The following CHRM3 variants were observed in gnomAD, a reference collection of about 807,000 sequenced individuals.
The protein encoded by CHRM3 is cholinergic receptor muscarinic 3.
CHRM3 carries 11 observed loss-of-function variants against 41.8 expected under a neutral mutation model. The ratio of observed to expected loss-of-function variants is 0.26; its 90% CI spans 0.17 to 0.44. The LOEUF is 0.44. Among genes scored for constraint, CHRM3 ranks in the 20% least tolerant of loss-of-function variants. The probability of loss-of-function intolerance (pLI) is 1.00; values close to 1 mark genes in which losing one functional copy is unlikely to be tolerated. For synonymous variants in CHRM3, 297 were observed against 301.4 expected (o/e 0.99, Z 0.15); for missense variants, 571 against 745.4 (o/e 0.77, Z 2.72).
intron 6 of CHRM3, among the ~76,000 whole-genome samples, chr1:239,894,813 C>A (rs1160706210): frequency 1.3e-5 from 2 of 152,022 alleles, no homozygotes; most frequent in Non-Finnish European, 2.9e-5. Context: ...AATCACTTAA[C>A]CATACAGTAT....
intron 2 of CHRM3, among the ~76,000 whole-genome samples, chr1:239,507,690 G>T (rs1668667419): frequency 2.6e-5 from 4 of 152,146 alleles, no homozygotes; most frequent in Admixed American, 2.6e-4. Context: ...TATGTGAATA[G>T]ACTAAAACTC....
chr1:239,645,749 A>G (rs529946079), intron 4 of CHRM3, among the ~76,000 whole-genome samples: 17 of 152,092 alleles, frequency 1.1e-4, no homozygotes, highest in African/African-American at 3.9e-4. Flanking sequence ...TGGAATGACT[A>G]CAAAAAAATG....
At chr1:239,789,347 A>G (rs984493942) in intron 5 of CHRM3, among the ~76,000 whole-genome samples, 4 of 152,214 alleles carry the variant, frequency 2.6e-5, no homozygotes. Flanking sequence ...ATAAATAAGC[A>G]ATATGAAACA....
At chr1:239,618,100 C>T (rs1430049643) in intron 3 of CHRM3, among the ~76,000 whole-genome samples, 6 of 151,666 alleles carry the variant, frequency 4.0e-5, no homozygotes, top group African/African-American at 9.7e-5. Flanking sequence ...CAGGGAAGTG[C>T]GTACAGTTAA....
intron 2 of CHRM3, among the ~76,000 whole-genome samples, chr1:239,499,532 A>G (rs16838380): frequency 0.24 from 37,205 of 152,006 alleles, 4,859 homozygotes; most frequent in African/African-American, 0.31. Context: ...ATTGTTCAAG[A>G]CTCAGTAAAA....
intron 1 of CHRM3, among the ~76,000 whole-genome samples, chr1:239,480,543 A>ATTTTTTTTTT (rs745979239): frequency 1.3e-4 from 14 of 110,704 alleles, no homozygotes; most frequent in African/African-American, 2.0e-4. Flanking sequence ...CGATAGCCCA[A>ATTTTTTTTTT]TTTTTTTTTT....
intron 6 of CHRM3, among the ~76,000 whole-genome samples, chr1:239,870,365 T>C (rs1433656145): frequency 6.6e-6 from 1 of 152,178 alleles, no homozygotes; most frequent in Admixed American, 6.5e-5. Context: ...AGATGAAACC[T>C]TGTCTGTTAG....
chr1:239,544,844 A>G (rs966605351), intron 2 of CHRM3, among the ~76,000 whole-genome samples: 1 of 152,226 alleles, frequency 6.6e-6, no homozygotes, highest in Non-Finnish European at 1.5e-5. Context: ...TGTTGGTCAC[A>G]TTGTAGGACA....
chr1:239,766,668 T>TAG (rs1212758849), intron 5 of CHRM3, among the ~76,000 whole-genome samples: 79 of 131,554 alleles, frequency 6.0e-4, no homozygotes, highest in East Asian at 3.3e-3. Context: ...GATATGGATA[T>TAG]AGATATATAG....
chr1:239,572,057 A>G (rs1311724841), intron 3 of CHRM3, among the ~76,000 whole-genome samples: 1 of 152,214 alleles, frequency 6.6e-6, no homozygotes, highest in Admixed American at 6.5e-5. Flanking sequence ...CAAGCATCCT[A>G]TTGGAAAGTT....
intron 1 of CHRM3, among the ~76,000 whole-genome samples, chr1:239,396,746 C>T (rs1290911001): frequency 6.6e-6 from 1 of 152,134 alleles, no homozygotes; most frequent in Non-Finnish European, 1.5e-5. Flanking sequence ...CCAAAGACAA[C>T]TATGGTTAAC....
At chr1:239,755,335 T>C (rs1666151509) in intron 5 of CHRM3, among the ~76,000 whole-genome samples, 1 of 152,168 alleles carries the variant, frequency 6.6e-6, no homozygotes, top group African/African-American at 2.4e-5. Context: ...ACCTCACTTA[T>C]CAGGAAGTGA....
intron 3 of CHRM3, among the ~76,000 whole-genome samples, chr1:239,577,909 CT>C (rs1662523085): frequency 1.3e-5 from 2 of 152,150 alleles, no homozygotes; most frequent in African/African-American, 4.8e-5. Context: ...AATCATTACA[CT>C]TCCAGCAAAA....
At chr1:239,562,061 A>G (rs962223142) in intron 3 of CHRM3, among the ~76,000 whole-genome samples, 6 of 152,144 alleles carry the variant, frequency 3.9e-5, no homozygotes, top group African/African-American at 9.7e-5. Context: ...GGTTCAGGAT[A>G]CAATGTTTGA....
At chr1:239,793,234 A>AT (rs779388590) in intron 5 of CHRM3, among the ~76,000 whole-genome samples, 11 of 152,168 alleles carry the variant, frequency 7.2e-5, no homozygotes, top group Admixed American at 3.3e-4. Context: ...ATACTTCAGG[A>AT]TTTTTCATTT....
intron 5 of CHRM3, among the ~76,000 whole-genome samples, chr1:239,735,454 T>A (rs1228669225): frequency 6.6e-6 from 1 of 152,186 alleles, no homozygotes; most frequent in Non-Finnish European, 1.5e-5. Flanking sequence ...ATTTATTCTT[T>A]TAAAATGGTA....
intron 5 of CHRM3, among the ~76,000 whole-genome samples, chr1:239,710,411 C>T (rs1001383622): frequency 1.3e-5 from 2 of 152,032 alleles, no homozygotes; most frequent in African/African-American, 4.8e-5. Context: ...TATCTATAGG[C>T]AGGCTGATAA....
chr1:239,408,164 G>T (rs1416618329), intron 1 of CHRM3: 1 of 152,042 alleles, frequency 6.6e-6, no homozygotes, highest in Non-Finnish European at 1.5e-5. Context: ...GGTTTTTTAA[G>T]CGGCTTTCCC....
intron 3 of CHRM3, among the ~76,000 whole-genome samples, chr1:239,591,616 A>G (rs1664163234): frequency 6.6e-6 from 1 of 152,150 alleles, no homozygotes; most frequent in Non-Finnish European, 1.5e-5. Context: ...GAAAAAAAAA[A>G]AAAGAAACAA....
Sources: allele counts gnomAD v4.1 joint callset (sites outside exome capture counted in the v4.1 genomes callset), GRCh38; gene constraint gnomAD v4.1.1; transcripts MANE v1.5; gene names NCBI Gene and HGNC (gene_info 2026-07-23, HGNC 2026-07-21).